PITPNM2: variants seen among roughly 807,000 people sequenced by gnomAD.
PITPNM2 encodes the protein phosphatidylinositol transfer protein membrane associated 2, also known as membrane-associated phosphatidylinositol transfer protein 2.
PITPNM2 carries 35 observed loss-of-function variants against 132.2 expected under a neutral mutation model. The ratio of observed to expected loss-of-function variants is 0.26; its 90% confidence interval spans 0.20 to 0.35. The LOEUF is 0.35. Among genes scored for constraint, PITPNM2 ranks in the 10% least tolerant of loss-of-function variants. The probability of loss-of-function intolerance (pLI) is 1.00; values close to 1 mark genes in which losing one functional copy is unlikely to be tolerated. For synonymous variants in PITPNM2, 738 were observed against 799.2 expected (o/e 0.92, Z 1.29); for missense variants, 1,332 against 1,912.0 (o/e 0.70, Z 5.66).
Position 123,031,932 on chromosome 12 carries a change from G to C in PITPNM2, c.78+2581C>G, listed in dbSNP as rs1057152491. On this transcript the variant is annotated intron_variant, in intron 3 of 25. Transcript: ENST00000320201. This position sits in a 1 kb window ranked among gnomAD's most constrained non-coding sequence, Gnocchi z 4.5. ...AGGCCACAGTGTCTCTGCCTAGCTG[G>C]GGAGGATGCCCATCTGTCCAACAAG... 1.2e-4 allele frequency among the ~76,000 whole-genome samples: 19 copies of C among 152,182 alleles called. No homozygotes were observed. The highest frequency in any genetic ancestry group is 4.6e-4 in the African/African-American group (19 of 41,442).
At chr12:123,024,049 T>G (rs1362639161) in intron 3 of PITPNM2, among the ~76,000 whole-genome samples, 1 of 150,928 alleles carries the variant, frequency 6.6e-6, no homozygotes, top group African/African-American at 2.4e-5. Context: ...AGCCCAGGAG[T>G]TCAAGGTCAG....
chr12:122,995,573 T>C lies in PITPNM2; in HGVS notation c.1870A>G (p.Ser624Gly), dbSNP rs778613658. 12 of 1,607,000 alleles carry C rather than the reference T, an allele frequency of 7.5e-6. No homozygotes were observed. In the South Asian group the frequency reaches 7.7e-5, roughly 10 times the overall value. The change falls in exon 14 of 26, where the codon AGT becomes GGT. Residue 624 changes from serine to glycine, a missense_variant. Coordinates refer to ENST00000320201, the MANE Select transcript of PITPNM2 (RefSeq NM_020845.3). ...CCACCACTACTGCCACCACCACCACTGCTGCCACCACCGCCACCGCCGCCA... is the reference window on the plus strand; with the variant it reads ...CCACCACTACTGCCACCACCACCACCGCTGCCACCACCGCCACCGCCGCCA... ...GGGGGGGGGS[S>G]GGGGSSGGSS...
Position 123,005,531 on chromosome 12 carries a change from C to A in PITPNM2, c.661G>T (p.Val221Leu), listed in dbSNP as rs754714093. 1 of 1,613,510 alleles carries A rather than the reference C, an allele frequency of 6.2e-7. No homozygotes were observed. ...CACCAGGCCTGCCGGTGAGCCCGCA[C>A]CATCACCCTCCGTAGTCCTGTGCCC... ...IHDTGLRRVMVRAHRQAWCWQ... is the reference protein window; with the variant it reads ...IHDTGLRRVMLRAHRQAWCWQ... Residue 221 changes from valine (V) to leucine (L), a missense_variant, in exon 7 of 26, where the codon GTG becomes TTG. This residue lies in a region of PITPNM2 where 122 missense variants were observed against 209.6 expected (regional missense o/e 0.58). Coordinates refer to ENST00000320201, the MANE Select transcript of PITPNM2 (RefSeq NM_020845.3). This position sits in a 1 kb window ranked among gnomAD's most constrained non-coding sequence, Gnocchi z 6.2.
At chr12:123,055,862 T>G (rs2041007956) in intron 2 of PITPNM2, among the ~76,000 whole-genome samples, 1 of 151,216 alleles carries the variant, frequency 6.6e-6, no homozygotes, top group African/African-American at 2.4e-5. Context: ...CATAAAAGCA[T>G]CCCCAATATA....
Position 123,013,836 on chromosome 12 carries a change from G to T in PITPNM2, c.285C>A (p.Thr95=). Reference sequence around the variant, plus strand: ...GGCCAAAGCAGGCGCACCTGGTTCGGGTGTAGGGGTAGGCATTCCAAGACT... The same window carrying T: ...GGCCAAAGCAGGCGCACCTGGTTCGTGTGTAGGGGTAGGCATTCCAAGACT... ...VEESWNAYPY[T]RTRFTCPFVE... Residue 95 remains threonine (T), a synonymous_variant, in exon 4 of 26, where the codon ACC becomes ACA. Transcript: ENST00000320201. 1.2e-6 allele frequency: 2 copies of T among 1,613,998 alleles called. No individual in the cohort carries two copies. Among genetic ancestry groups the T allele is most frequent in the South Asian group, 1.1e-5 (1 of 91,088 alleles).
chr12:123,125,944 A>C (rs1361896373), intron 1 of PITPNM2, among the ~76,000 whole-genome samples: 2 of 112,994 alleles, frequency 1.8e-5, no homozygotes, highest in Non-Finnish European at 3.3e-5. Context: ...ATCTCGGCTC[A>C]CTGCAAGCTC....
At chr12:122,997,022 C>T (rs1566236407) in intron 11 of PITPNM2, 112 bp from the exon 12 acceptor site, 1 of 1,157,310 alleles carries the variant, frequency 8.6e-7, no homozygotes, top group Non-Finnish European at 1.2e-6. Context: ...AGTGAGGACC[C>T]TTCCCGGCCA....
At chr12:123,059,987 C>T (rs1407038528) in intron 2 of PITPNM2, among the ~76,000 whole-genome samples, 1 of 152,042 alleles carries the variant, frequency 6.6e-6, no homozygotes, top group Non-Finnish European at 1.5e-5. Context: ...TAAAAAGAAA[C>T]GAGGAAAGAA....
chr12:123,134,318 C>CA (rs1353169765), intron 1 of PITPNM2, among the ~76,000 whole-genome samples: 1 of 152,194 alleles, frequency 6.6e-6, no homozygotes, highest in African/African-American at 2.4e-5. Context: ...CCACCTTGGC[C>CA]TCCCAAAGTG....
intron 2 of PITPNM2, among the ~76,000 whole-genome samples, chr12:123,073,897 G>T (rs1208397890): frequency 6.6e-6 from 1 of 152,120 alleles, no homozygotes; most frequent in Non-Finnish European, 1.5e-5. Flanking sequence ...AACTAAGGTG[G>T]GTGGCCGTGG....
Position 122,986,190 on chromosome 12 carries a change from G to A in PITPNM2, c.3887C>T (p.Thr1296Ile), listed in dbSNP as rs989993637. The A allele has an allele frequency of 1.7e-5, 26 of 1,552,820 alleles. No individual in the cohort carries two copies. Among genetic ancestry groups the A allele is most frequent in the Non-Finnish European group, 2.3e-5 (26 of 1,153,680 alleles). The change falls in exon 26 of 26, where the codon ACC (threonine) becomes ATC (isoleucine). Residue 1296 changes from threonine to isoleucine, a missense_variant. Thr to Ile is a moderately conservative substitution (Grantham distance 89). Coordinates refer to ENST00000320201, the MANE Select transcript of PITPNM2 (RefSeq NM_020845.3). Reference sequence around the variant, plus strand: ...GGGCCCGCTGGGCTGGGCCGAGATGGTGCGAAGCAGGTGGTTCCGGGAGCG... The same window carrying A: ...GGGCCCGCTGGGCTGGGCCGAGATGATGCGAAGCAGGTGGTTCCGGGAGCG... ...FLRSRNHLLR[T>I]ISAQPSGPSH...
chr12:123,002,409 T>G (rs961448965), intron 8 of PITPNM2, among the ~76,000 whole-genome samples: 12 of 152,098 alleles, frequency 7.9e-5, no homozygotes, highest in Non-Finnish European at 4.4e-5. Flanking sequence ...TTTTTAAAAT[T>G]TCTTATATAT....
chr12:123,052,093 T>A (rs1470820603), intron 2 of PITPNM2, among the ~76,000 whole-genome samples: 1 of 146,614 alleles, frequency 6.8e-6, no homozygotes, highest in African/African-American at 2.5e-5. Context: ...TTTTTTTTTT[T>A]TTTTTGTATT....
intron 2 of PITPNM2, among the ~76,000 whole-genome samples, chr12:123,044,235 G>A (rs143189159): frequency 2.9e-4 from 44 of 152,256 alleles, no homozygotes; most frequent in Non-Finnish European, 5.4e-4. Context: ...CTCACTCCTG[G>A]TCACCTCCCT....
chr12:123,003,387 AT>A (rs2038782612), intron 8 of PITPNM2, among the ~76,000 whole-genome samples: 2 of 152,166 alleles, frequency 1.3e-5, no homozygotes, highest in African/African-American at 4.8e-5. Flanking sequence ...TGAAATACGT[AT>A]TGTCCTCTCA....
At chr12:123,119,355 A>ATTT (rs57829614) in intron 1 of PITPNM2, among the ~76,000 whole-genome samples, 6 of 129,306 alleles carry the variant, frequency 4.6e-5, no homozygotes, top group African/African-American at 5.6e-5. Context: ...GAGGATGGTG[A>ATTT]TTTTTTTTTT....
Position 123,077,074 on chromosome 12 carries a change from A to G in PITPNM2, c.-96+33311T>C, listed in dbSNP as rs2041813086. 6.6e-6 allele frequency among the ~76,000 whole-genome samples: 1 copy of G among 152,060 alleles called. No homozygotes were observed. Among genetic ancestry groups the G allele is most frequent in the African/African-American group, 2.4e-5 (1 of 41,400 alleles). On this transcript the variant is annotated intron_variant, in intron 2 of 25. Transcript: ENST00000320201. The surrounding 1 kb of genome is among the most constrained non-coding windows in gnomAD (Gnocchi z 4.8). ...GTCATTCTGAATGCATCTACTGGGG[A>G]TGGGGAAGAAATGATGCAGAATGTT... is the stretch of plus-strand genomic sequence containing the variant.
chr12:123,148,142 G>T (rs1441320479), intron 1 of PITPNM2, among the ~76,000 whole-genome samples: 1 of 152,182 alleles, frequency 6.6e-6, no homozygotes, highest in Non-Finnish European at 1.5e-5. Context: ...ACCAGTAAAA[G>T]CTTAATAAAC....
chr12:123,099,717 T>A lies in PITPNM2; in HGVS notation c.-96+10668A>T, dbSNP rs539096753. Among the ~76,000 whole-genome samples, 16 of 152,272 alleles carry A rather than the reference T, an allele frequency of 1.1e-4. No homozygotes were observed. The East Asian group carries it at 2.9e-3, about 28-fold the overall frequency. ...CTGTGTGCCTGGGTTCAGATGCCTA[T>A]CCATGCTGGCACTGTTCCAAGTCCC... On this transcript the variant is annotated intron_variant, in intron 2 of 25. Coordinates refer to ENST00000320201, the MANE Select transcript of PITPNM2 (RefSeq NM_020845.3). The surrounding 1 kb of genome is among the most constrained non-coding windows in gnomAD (Gnocchi z 4.2).
Sources: allele counts gnomAD v4.1 joint callset (sites outside exome capture counted in the v4.1 genomes callset), GRCh38; gene constraint gnomAD v4.1.1; regional missense constraint gnomAD v4.1.1; non-coding constraint Gnocchi (gnomAD v3.1); transcripts MANE v1.5; gene names NCBI Gene and HGNC (gene_info 2026-07-23, HGNC 2026-07-21).